MAP3K2: variants seen among roughly 807,000 people sequenced by gnomAD.
MAP3K2 encodes the protein MAP/ERK kinase kinase 2.
Under a neutral mutation model 80.3 loss-of-function variants are expected in MAP3K2, and 24 were observed. The ratio of observed to expected loss-of-function variants is 0.30; its 90% CI spans 0.22 to 0.42. The LOEUF (loss-of-function observed/expected upper bound fraction) is 0.42. MAP3K2 is among the 10% of genes least tolerant of loss of function. The pLI, the probability that MAP3K2 is intolerant of heterozygous loss-of-function variation, is 1.00. For missense variants in MAP3K2, 608 were observed against 750.1 expected (o/e 0.81, Z 2.21); for synonymous variants, 244 against 253.7 (o/e 0.96, Z 0.36).
rs1412465504 is a variant in MAP3K2, at chr2:127,387,565, C to T, written c.-179G>A. ...ACCGCGGCCCCAGGTCGGGGGCTGC[C>T]GCAGGGCCCCCGGGGACCGGAGGGG... On this transcript the variant is annotated 5_prime_UTR_variant, in exon 1 of 17. Coordinates refer to ENST00000682094, the MANE Select transcript of MAP3K2 (RefSeq NM_001371910.2). The T allele has an allele frequency of 1.0e-6, 1 of 984,904 alleles. No homozygotes were observed. Among genetic ancestry groups the T allele is most frequent in the Non-Finnish European group, 1.2e-6 (1 of 829,678 alleles). 61.0% of individuals were successfully genotyped at this position (984,904 alleles called of 1,614,324 possible). A position where few individuals can be genotyped will look rare whatever the true frequency, so the allele number is the denominator to read the frequency against.
At chr2:127,348,172 GA>G (rs1686631964) in intron 1 of MAP3K2, among the ~76,000 whole-genome samples, 1 of 152,120 alleles carries the variant, frequency 6.6e-6, no homozygotes, top group African/African-American at 2.4e-5. Context: ...TGGATCACTT[GA>G]GGTCAGGAGT....
rs987966448 is a variant in MAP3K2 at position 127,302,063 on chromosome 2, T to C, written c.*5516A>G. ...AGGTACAAGAGAATTTCCTTGTGAATACTTGGTAAGCTAAGGAAGCTTATT... is the reference window on the plus strand; with the variant it reads ...AGGTACAAGAGAATTTCCTTGTGAACACTTGGTAAGCTAAGGAAGCTTATT... On this transcript the variant is annotated 3_prime_UTR_variant, in exon 17 of 17. Coordinates refer to ENST00000682094, the MANE Select transcript of MAP3K2 (RefSeq NM_001371910.2). 1 of 152,198 alleles carries C rather than the reference T, an allele frequency of 6.6e-6. No homozygotes were observed. The highest frequency in any genetic ancestry group is 1.5e-5 in the Non-Finnish European group (1 of 68,018). The allele number at this position is 152,198 out of a possible 1,614,324, so 9.4% of individuals were successfully genotyped here.
chr2:127,357,444 C>T (rs373719738), intron 1 of MAP3K2, among the ~76,000 whole-genome samples: 17 of 152,126 alleles, frequency 1.1e-4, no homozygotes, highest in Non-Finnish European at 1.9e-4. Flanking sequence ...GCAATGATTG[C>T]GCCACTGTAC....
intron 1 of MAP3K2, among the ~76,000 whole-genome samples, chr2:127,382,395 A>G (rs1687263047): frequency 1.3e-5 from 2 of 152,186 alleles, no homozygotes; most frequent in Admixed American, 1.3e-4. Flanking sequence ...GTGTTTTTTA[A>G]AAAAAGATAT....
chr2:127,366,130 G>A (rs140698214), intron 1 of MAP3K2, among the ~76,000 whole-genome samples: 6 of 152,240 alleles, frequency 3.9e-5, no homozygotes, highest in Admixed American at 2.6e-4. Context: ...CAAAAAAGTC[G>A]TATCTCACTA....
chr2:127,335,383 G>A (rs1686344885), intron 5 of MAP3K2, among the ~76,000 whole-genome samples: 1 of 152,120 alleles, frequency 6.6e-6, no homozygotes, highest in Non-Finnish European at 1.5e-5. Context: ...ACATTAAAAA[G>A]GGGTTTCTCC....
chr2:127,366,079 A>G (rs2104879461), intron 1 of MAP3K2, among the ~76,000 whole-genome samples: 1 of 152,292 alleles, frequency 6.6e-6, no homozygotes, highest in East Asian at 1.9e-4. Flanking sequence ...TCAGTTCTGC[A>G]CTGTCCTCCT....
At chr2:127,324,416 T>C (rs182320509) in intron 9 of MAP3K2, among the ~76,000 whole-genome samples, 175 bp from the exon 10 acceptor site, 11 of 152,334 alleles carry the variant, frequency 7.2e-5, no homozygotes, top group African/African-American at 2.6e-4. Context: ...TTGGTACATG[T>C]AGGCAAAGAG....
Position 127,318,309 on chromosome 2 carries a change from C to T in MAP3K2, c.1054G>A (p.Ala352Thr). ...TTGCCCAATCTCCAGTTGGTCGGAG[C>T]TCGAGGTGCTGAAAAAGAACACTTT... ...DISPPSRSPR[A>T]PTNWRLGKLL... Residue 352 changes from alanine (A) to threonine (T), a missense_variant, in exon 13 of 17, where the codon GCT (alanine) becomes ACT (threonine). Ala to Thr is a moderately conservative substitution (Grantham distance 58). Coordinates refer to ENST00000682094, the MANE Select transcript of MAP3K2 (RefSeq NM_001371910.2). 1 of 1,586,200 alleles carries T rather than the reference C, an allele frequency of 6.3e-7. No homozygotes were observed. The highest frequency in any genetic ancestry group is 8.5e-7 in the Non-Finnish European group (1 of 1,170,268).
intron 1 of MAP3K2, among the ~76,000 whole-genome samples, chr2:127,372,915 T>C (rs555552811): frequency 1.6e-4 from 25 of 152,226 alleles, no homozygotes; most frequent in Non-Finnish European, 3.4e-4. Context: ...TTATGTGCTA[T>C]CAATGCTAAT....
chr2:127,328,357 A>G (rs1321979257), intron 7 of MAP3K2, among the ~76,000 whole-genome samples: 1 of 152,244 alleles, frequency 6.6e-6, no homozygotes, highest in East Asian at 1.9e-4. Context: ...GGGATAAAGA[A>G]AGAAATGTAC....
At chr2:127,314,624 C>T in intron 15 of MAP3K2, 130 bp downstream of exon 15, 1 of 731,826 alleles carries the variant, frequency 1.4e-6, no homozygotes, top group Non-Finnish European at 2.2e-6. Flanking sequence ...CATAAGAAAG[C>T]AAGAGAACTG....
Position 127,299,583 on chromosome 2 carries a change from T to C in MAP3K2, c.*7996A>G, listed in dbSNP as rs1192400894. On this transcript the variant is annotated 3_prime_UTR_variant, in exon 17 of 17. Coordinates refer to ENST00000682094, the MANE Select transcript of MAP3K2 (RefSeq NM_001371910.2). ...CATAGCTCTGAGAATTCAAAGGCCA[T>C]TTTTAGCGGTGTGTTTTTGCTACTG... 4 of 152,130 alleles carry C rather than the reference T, an allele frequency of 2.6e-5. No individual in the cohort carries two copies. The highest frequency in any genetic ancestry group is 2.6e-4 in the Admixed American group (4 of 15,272). The allele number at this position is 152,130 out of a possible 1,614,324, so 9.4% of individuals were successfully genotyped here.
At chr2:127,326,951 A>G (rs1314508987) in intron 7 of MAP3K2, 134 bp from the exon 8 acceptor site, 2 of 543,576 alleles carry the variant, frequency 3.7e-6, no homozygotes, top group East Asian at 6.4e-5. Flanking sequence ...AAAACTTATC[A>G]GAACATTCAT....
chr2:127,379,456 G>A (rs1687211471), intron 1 of MAP3K2, among the ~76,000 whole-genome samples: 1 of 152,112 alleles, frequency 6.6e-6, no homozygotes, highest in African/African-American at 2.4e-5. Flanking sequence ...TCACACTCAG[G>A]TCTAGATCCC....
intron 1 of MAP3K2, among the ~76,000 whole-genome samples, chr2:127,345,511 A>G (rs756631014): frequency 1.3e-5 from 2 of 152,262 alleles, no homozygotes; most frequent in Non-Finnish European, 1.5e-5. Context: ...CTTGTACAAC[A>G]CTATAAACTA....
chr2:127,329,162 T>A (rs1244723966), intron 7 of MAP3K2, among the ~76,000 whole-genome samples: 1 of 152,106 alleles, frequency 6.6e-6, no homozygotes. Context: ...ATTATAACAA[T>A]AAATTAATGG....
intron 1 of MAP3K2, among the ~76,000 whole-genome samples, chr2:127,374,488 A>G (rs1044266369): frequency 3.9e-5 from 6 of 152,164 alleles, no homozygotes; most frequent in Non-Finnish European, 7.4e-5. Flanking sequence ...ATTTCAACTT[A>G]CCCAGAGACT....
intron 1 of MAP3K2, among the ~76,000 whole-genome samples, chr2:127,345,001 A>C (rs1041428192): frequency 1.3e-5 from 2 of 152,072 alleles, no homozygotes; most frequent in African/African-American, 4.8e-5. Flanking sequence ...AGTAGATGGG[A>C]CTACAGGTGC....
Sources: allele counts gnomAD v4.1 joint callset (sites outside exome capture counted in the v4.1 genomes callset), GRCh38; gene constraint gnomAD v4.1.1; transcripts MANE v1.5; gene names NCBI Gene and HGNC (gene_info 2026-07-23, HGNC 2026-07-21).